SLC25A21: variants seen among roughly 807,000 people sequenced by gnomAD.
SLC25A21 encodes solute carrier family 25 member 21, also known as mitochondrial 2-oxodicarboxylate carrier.
Under a neutral mutation model 43.8 loss-of-function variants are expected in SLC25A21, and 47 were observed. The ratio of observed to expected loss-of-function variants is 1.07; its 90% CI spans 0.85 to 1.37. The LOEUF (loss-of-function observed/expected upper bound fraction) is 1.37, where lower values mean the gene tolerates loss of function less well. Ranked by LOEUF, SLC25A21 falls within the 40% of genes most tolerant of loss-of-function variation. The probability of loss-of-function intolerance (pLI) is 0.00; values close to 1 mark genes in which losing one functional copy is unlikely to be tolerated. For synonymous variants in SLC25A21, 131 were observed against 121.3 expected, an observed-to-expected ratio of 1.08 and a Z score of -0.52; for missense variants, 352 against 350.2, an observed-to-expected ratio of 1.00 and a Z score of -0.04.
chr14:36,827,567 A>G (rs1888878308), intron 2 of SLC25A21, among the ~76,000 whole-genome samples: 1 of 152,234 alleles, frequency 6.6e-6, no homozygotes, highest in Non-Finnish European at 1.5e-5. Flanking sequence ...TTTTTGAAAT[A>G]AGGCAAGGGA....
At chr14:37,056,216 C>A (rs994904753) in intron 1 of SLC25A21, among the ~76,000 whole-genome samples, 1 of 152,102 alleles carries the variant, frequency 6.6e-6, no homozygotes, top group African/African-American at 2.4e-5. Flanking sequence ...CTCGGCCGGG[C>A]GCTGTGGCTC....
chr14:36,695,542 A>C (rs887990140), intron 7 of SLC25A21, among the ~76,000 whole-genome samples: 1 of 152,190 alleles, frequency 6.6e-6, no homozygotes, highest in Admixed American at 6.5e-5. Context: ...CCTATCCATG[A>C]GCATGGAATA....
At position 36,971,001 on chromosome 14, in the gene SLC25A21, T is replaced by C. The variant is rs907160592; in HGVS notation, c.71-95997A>G. ...AATATACTGAATCAATCCCTGCTCATAGGGACTCAAAGATTTCTTAGCAGA... is the reference window on the plus strand; with the variant it reads ...AATATACTGAATCAATCCCTGCTCACAGGGACTCAAAGATTTCTTAGCAGA... On this transcript the variant is annotated intron_variant, in intron 1 of 9. Transcript: ENST00000331299. Among the ~76,000 whole-genome samples the C allele has an allele frequency of 3.9e-5, 6 of 152,180 alleles. No homozygotes were observed. The East Asian group carries it at 7.7e-4, about 20-fold the overall frequency.
chr14:37,004,831 A>G (rs1255240587), intron 1 of SLC25A21, among the ~76,000 whole-genome samples: 2 of 152,010 alleles, frequency 1.3e-5, no homozygotes, highest in African/African-American at 4.8e-5. Flanking sequence ...TCAAATCCCA[A>G]TCTCATAGCT....
intron 2 of SLC25A21, among the ~76,000 whole-genome samples, chr14:36,858,520 G>A (rs552651095): frequency 2.4e-4 from 37 of 151,990 alleles, no homozygotes; most frequent in Non-Finnish European, 4.6e-4. Flanking sequence ...TCTGTCTATC[G>A]TCTATGACCC....
chr14:37,039,384 C>T (rs1566834011), intron 1 of SLC25A21, among the ~76,000 whole-genome samples: 1 of 152,106 alleles, frequency 6.6e-6, no homozygotes, highest in Non-Finnish European at 1.5e-5. Flanking sequence ...TATTCATCAC[C>T]CCCAAAATGT....
At chr14:36,760,520 T>G (rs1566583206) in intron 3 of SLC25A21, among the ~76,000 whole-genome samples, 1 of 152,126 alleles carries the variant, frequency 6.6e-6, no homozygotes, top group Non-Finnish European at 1.5e-5. Flanking sequence ...AGAGAAAAAT[T>G]GAACACCAGA....
chr14:36,726,100 C>G (rs1210801445), intron 5 of SLC25A21, among the ~76,000 whole-genome samples: 3 of 152,134 alleles, frequency 2.0e-5, no homozygotes, highest in Non-Finnish European at 2.9e-5. Flanking sequence ...AGCACAACCA[C>G]AAATAAAATG....
At chr14:37,073,572 GCTATTAAT>G (rs1299818780) in intron 1 of SLC25A21, among the ~76,000 whole-genome samples, 3 of 152,060 alleles carry the variant, frequency 2.0e-5, no homozygotes, top group African/African-American at 7.2e-5. Flanking sequence ...ATGCTTTTCT[GCTATTAAT>G]CTATTTTATG....
intron 1 of SLC25A21, among the ~76,000 whole-genome samples, chr14:36,890,013 A>G (rs1043698100): frequency 2.0e-5 from 3 of 152,108 alleles, no homozygotes; most frequent in African/African-American, 4.8e-5. Context: ...TTGAGTGCCT[A>G]CTGTGTACAT....
intron 3 of SLC25A21, among the ~76,000 whole-genome samples, chr14:36,810,950 G>C (rs1170655253): frequency 7.1e-6 from 1 of 139,880 alleles, no homozygotes; most frequent in Non-Finnish European, 1.6e-5. Flanking sequence ...GCATATGATA[G>C]AGAAAAGAGG....
intron 1 of SLC25A21, among the ~76,000 whole-genome samples, chr14:37,056,440 G>A (rs1220039566): frequency 2.7e-5 from 4 of 149,776 alleles, no homozygotes; most frequent in Non-Finnish European, 5.9e-5. Context: ...GCAGTGAGCC[G>A]AGATCGCGCC....
At chr14:37,043,106 C>T (rs1324226338) in intron 1 of SLC25A21, among the ~76,000 whole-genome samples, 2 of 152,212 alleles carry the variant, frequency 1.3e-5, no homozygotes, top group African/African-American at 2.4e-5. Context: ...CTGCCACAGA[C>T]ACAACGTAAG....
intron 1 of SLC25A21, among the ~76,000 whole-genome samples, chr14:37,124,866 A>C (rs1204887819): frequency 6.6e-6 from 1 of 152,192 alleles, no homozygotes; most frequent in African/African-American, 2.4e-5. Context: ...TGCTCCAGCA[A>C]TGTGAAGATG....
chr14:37,125,932 A>C (rs761790141), intron 1 of SLC25A21, among the ~76,000 whole-genome samples: 1 of 152,176 alleles, frequency 6.6e-6, no homozygotes, highest in Non-Finnish European at 1.5e-5. Context: ...AATTAGAAAC[A>C]ATTATGCTTT....
At chr14:36,841,158 G>A (rs924707498) in intron 2 of SLC25A21, among the ~76,000 whole-genome samples, 1 of 152,160 alleles carries the variant, frequency 6.6e-6, no homozygotes, top group African/African-American at 2.4e-5. Flanking sequence ...CATGTAGTGT[G>A]TAAGGATTTC....
chr14:36,919,618 TCTAC>T (rs140168106), intron 1 of SLC25A21, among the ~76,000 whole-genome samples: 40,659 of 91,006 alleles, frequency 0.45, 5,750 homozygotes, highest in Admixed American at 0.47. Flanking sequence ...AGATTATCTA[TCTAC>T]CTATCTATCT....
intron 1 of SLC25A21, among the ~76,000 whole-genome samples, chr14:37,057,344 A>T (rs1961852632): frequency 6.6e-6 from 1 of 152,106 alleles, no homozygotes; most frequent in Admixed American, 6.5e-5. Flanking sequence ...TATATAGTAT[A>T]TTTTTCCTCT....
At chr14:36,913,175 C>T (rs1476504666) in intron 1 of SLC25A21, among the ~76,000 whole-genome samples, 2 of 152,068 alleles carry the variant, frequency 1.3e-5, no homozygotes, top group Admixed American at 6.6e-5. Flanking sequence ...AAAGAAAATT[C>T]CTAATACAAA....
Sources: gnomAD v4.1 joint callset for allele counts (sites outside exome capture counted in the v4.1 genomes callset) on GRCh38, gnomAD v4.1.1 for gene constraint, MANE v1.5 for transcripts, NCBI Gene and HGNC (gene_info 2026-07-23, HGNC 2026-07-21) for gene names.